Variants in EVA1C observed in about 807,000 individuals in gnomAD.
The protein encoded by EVA1C is protein eva-1 homolog C.
Under a neutral mutation model 45.4 loss-of-function variants are expected in EVA1C, and 25 were observed. The ratio of observed to expected loss-of-function variants is 0.55; its 90% confidence interval spans 0.40 to 0.77. EVA1C has a LOEUF of 0.77. Ranked by LOEUF, EVA1C falls within the 30% of genes least tolerant of loss-of-function variation. The pLI, the probability that EVA1C is intolerant of heterozygous loss-of-function variation, is 0.00. For missense variants in EVA1C, 479 were observed against 554.8 expected (o/e 0.86, Z 1.37); for synonymous variants, 190 against 221.2 (o/e 0.86, Z 1.25).
chr21:32,490,509 T>C (rs1375633794), intron 4 of EVA1C, among the ~76,000 whole-genome samples: 1 of 152,144 alleles, frequency 6.6e-6, no homozygotes, highest in Non-Finnish European at 1.5e-5. Flanking sequence ...GAGAACCATT[T>C]GAAGGGGAGA....
intron 7 of EVA1C, among the ~76,000 whole-genome samples, chr21:32,512,147 G>T (rs187455581): frequency 6.6e-6 from 1 of 150,592 alleles, no homozygotes; most frequent in African/African-American, 2.4e-5. Flanking sequence ...GTCACCTTGA[G>T]GGGGAGGCAA....
chr21:32,453,197 A>G lies in EVA1C; in HGVS notation c.161-115A>G. The G allele has an allele frequency of 1.3e-5, 9 of 670,694 alleles. No individual in the cohort carries two copies. The South Asian group carries it at 2.0e-4, about 15-fold the overall frequency. The allele number at this position is 670,694 out of a possible 1,614,324, so 41.5% of individuals were successfully genotyped here. ...AGAGCTGCTAGGGAGGCCCCATCCCACATGTTGTTGATTGAACAGCCCTTC... is the reference window on the plus strand; with the variant it reads ...AGAGCTGCTAGGGAGGCCCCATCCCGCATGTTGTTGATTGAACAGCCCTTC... On this transcript the variant is annotated intron_variant, in intron 1 of 7. Coordinates refer to ENST00000300255, the MANE Select transcript of EVA1C (RefSeq NM_058187.5).
At chr21:32,487,559 A>C (rs2037012531) in intron 4 of EVA1C, among the ~76,000 whole-genome samples, 1 of 152,082 alleles carries the variant, frequency 6.6e-6, no homozygotes, top group Non-Finnish European at 1.5e-5. Flanking sequence ...ATATCTACTA[A>C]AAATACAAAA....
chr21:32,445,351 T>C (rs1415593770), intron 1 of EVA1C, among the ~76,000 whole-genome samples: 1 of 152,216 alleles, frequency 6.6e-6, no homozygotes, highest in African/African-American at 2.4e-5. Context: ...CAATTGACAT[T>C]GCCAGGGTGA....
At chr21:32,471,378 G>A (rs1289422403) in intron 4 of EVA1C, among the ~76,000 whole-genome samples, 1 of 149,152 alleles carries the variant, frequency 6.7e-6, no homozygotes, top group Non-Finnish European at 1.5e-5. Flanking sequence ...CCAGGCTGGA[G>A]TGCAGTGGCA....
rs1359181732 is a variant in EVA1C at position 32,474,576 on chromosome 21, G to T, written c.634+6728G>T. ...CTCCACAGCATGGAGATAGACCATG[G>T]TATGTGTGTGTGGTTCATCTCCCCA... is the stretch of plus-strand genomic sequence containing the variant. On this transcript the variant is annotated intron_variant, in intron 4 of 7. Transcript: ENST00000300255. The surrounding 1 kb of genome is among the most constrained non-coding windows in gnomAD (Gnocchi z 4.4). Among the ~76,000 whole-genome samples, 1 of 152,198 alleles carries T rather than the reference G, an allele frequency of 6.6e-6. No homozygotes were observed. The highest frequency in any genetic ancestry group is 2.4e-5 in the African/African-American group (1 of 41,452).
intron 5 of EVA1C, among the ~76,000 whole-genome samples, chr21:32,500,885 C>T (rs1282251823): frequency 2.6e-5 from 4 of 152,030 alleles, no homozygotes; most frequent in Non-Finnish European, 4.4e-5. Context: ...GCTCTTCGCT[C>T]ACTGCAACCT....
intron 2 of EVA1C, among the ~76,000 whole-genome samples, chr21:32,456,512 AT>A (rs1434466575): frequency 2.0e-5 from 3 of 152,044 alleles, no homozygotes; most frequent in South Asian, 4.2e-4. Flanking sequence ...TTTCTTGGGT[AT>A]TTTTTCCTGA....
chr21:32,488,568 T>A (rs2146379408), intron 4 of EVA1C, among the ~76,000 whole-genome samples: 1 of 150,336 alleles, frequency 6.7e-6, no homozygotes, highest in Middle Eastern at 3.4e-3. Flanking sequence ...GTTGGGCACC[T>A]TTCCATATAG....
chr21:32,446,174 C>T (rs1432836594), intron 1 of EVA1C, among the ~76,000 whole-genome samples: 6 of 151,512 alleles, frequency 4.0e-5, no homozygotes, highest in African/African-American at 7.3e-5. Context: ...ACCTGGGAGG[C>T]GGAGGTTGCA....
At position 32,515,087 on chromosome 21, in the gene EVA1C, A is replaced by G; in HGVS notation, c.1223A>G (p.Glu408Gly). The change falls in exon 8 of 8, where the codon GAG becomes GGG. Residue 408 changes from glutamate to glycine, a missense_variant. By Grantham distance (98) the Glu-to-Gly change is moderately conservative. Coordinates refer to ENST00000300255, the MANE Select transcript of EVA1C (RefSeq NM_058187.5). Reference protein sequence around the residue: ...YPIYSSIEAAELAERIERREQ... With the variant: ...YPIYSSIEAAGLAERIERREQ... ...ATATACAGTTCCATAGAAGCTGCAG[A>G]GCTCGCAGAAAGGATTGAGCGCAGG... The G allele has an allele frequency of 6.2e-7, 1 of 1,614,180 alleles. No individual in the cohort carries two copies. The highest frequency in any genetic ancestry group is 8.5e-7 in the Non-Finnish European group (1 of 1,180,008).
At chr21:32,438,226 G>C (rs183430117) in intron 1 of EVA1C, among the ~76,000 whole-genome samples, 1 of 152,246 alleles carries the variant, frequency 6.6e-6, no homozygotes, top group African/African-American at 2.4e-5. Context: ...GCTGGGCATG[G>C]TGGCTTACAC....
intron 6 of EVA1C, among the ~76,000 whole-genome samples, chr21:32,501,984 T>TTTTCTTTCCTTC (rs2037546614): frequency 8.3e-6 from 1 of 120,438 alleles, no homozygotes; most frequent in Non-Finnish European, 1.7e-5. Context: ...TCTCTCGCTC[T>TTTTCTTTCCTTC]TTTCTTTCTT....
chr21:32,459,504 T>G (rs745837699), intron 3 of EVA1C, among the ~76,000 whole-genome samples: 1 of 152,206 alleles, frequency 6.6e-6, no homozygotes, highest in Non-Finnish European at 1.5e-5. Context: ...TTTTTTTCTG[T>G]TCTCCACTTC....
chr21:32,412,865 G>A lies in EVA1C; in HGVS notation c.12G>A (p.Pro4=), dbSNP rs769523174. 14 of 1,492,504 alleles carry A rather than the reference G, an allele frequency of 9.4e-6. No homozygotes were observed. In the East Asian group the frequency reaches 1.4e-4, roughly 15 times the overall value. The allele number at this position is 1,492,504 out of a possible 1,614,324, so 92.5% of individuals were successfully genotyped here. A position where few individuals can be genotyped will look rare whatever the true frequency, so the allele number is the denominator to read the frequency against. ...CCGCGCAGCGCACGATGCTTCTGCC[G>A]GGACGCGCACGCCAACCGCCGACGC... MLL[P]GRARQPPTPQ... is the part of the protein sequence containing the mutation. The change falls in exon 1 of 8, where the codon CCG becomes CCA. Residue 4 remains proline (P), a synonymous_variant. Coordinates refer to ENST00000300255, the MANE Select transcript of EVA1C (RefSeq NM_058187.5).
chr21:32,420,516 G>A (rs2034228187), intron 1 of EVA1C, among the ~76,000 whole-genome samples: 1 of 152,174 alleles, frequency 6.6e-6, no homozygotes, highest in Admixed American at 6.5e-5. Context: ...CTCCCTAGTA[G>A]TTGGGACTAT....
intron 3 of EVA1C, among the ~76,000 whole-genome samples, chr21:32,466,424 A>G (rs569027513): frequency 6.6e-6 from 1 of 152,178 alleles, no homozygotes; most frequent in South Asian, 2.1e-4. Flanking sequence ...GTCTCAAAAA[A>G]AAAAAAAAAA....
chr21:32,494,753 G>A (rs183571477), intron 4 of EVA1C, among the ~76,000 whole-genome samples: 14 of 149,640 alleles, frequency 9.4e-5, no homozygotes, highest in Middle Eastern at 3.4e-3. Context: ...TTGCACTCCA[G>A]CCTGGGCGAC....
At chr21:32,512,296 T>C (rs749392226) in intron 7 of EVA1C, among the ~76,000 whole-genome samples, 5 of 152,184 alleles carry the variant, frequency 3.3e-5, no homozygotes, top group Non-Finnish European at 7.3e-5. Flanking sequence ...TATTGACCAA[T>C]GAAGAGAATG....
Sources: allele counts gnomAD v4.1 joint callset (sites outside exome capture counted in the v4.1 genomes callset), GRCh38; gene constraint gnomAD v4.1.1; non-coding constraint Gnocchi (gnomAD v3.1); transcripts MANE v1.5; gene names NCBI Gene and HGNC (gene_info 2026-07-23, HGNC 2026-07-21).